The following DIRAS2 variants were observed in gnomAD, a reference collection of about 807,000 sequenced individuals.
DIRAS2 encodes the protein GTP-binding protein Di-Ras2.
In DIRAS2, 5 loss-of-function variants were observed where a neutral mutation model predicts 13.9. That is an observed-to-expected ratio of 0.36 (90% CI 0.19 to 0.76). DIRAS2 has a LOEUF of 0.76. Ranked by LOEUF, DIRAS2 falls within the 30% of genes least tolerant of loss-of-function variation. DIRAS2 has a pLI of 0.53. For missense variants in DIRAS2, 191 were observed against 263.0 expected, an observed-to-expected ratio of 0.73 and a Z score of 1.89; for synonymous variants, 111 against 105.4, an observed-to-expected ratio of 1.05 and a Z score of -0.33.
At chr9:90,615,618 A>C (rs967280221) in intron 1 of DIRAS2, among the ~76,000 whole-genome samples, 9 of 152,226 alleles carry the variant, frequency 5.9e-5, no homozygotes, top group Middle Eastern at 3.2e-3. Context: ...AAAGCAATCT[A>C]CTTCTTACAG....
intron 1 of DIRAS2, among the ~76,000 whole-genome samples, chr9:90,625,496 T>C (rs182468726): frequency 2.0e-5 from 3 of 152,356 alleles, no homozygotes; most frequent in Non-Finnish European, 1.5e-5. Context: ...AATTCTTATA[T>C]ATGGTGTGAG....
Position 90,613,558 on chromosome 9 carries a change from G to C in DIRAS2, c.270C>G (p.Ser90Arg), listed in dbSNP as rs766903718. Residue 90 changes from serine to arginine, a missense_variant, in exon 2 of 2, where the codon AGC (serine) becomes AGG (arginine). By Grantham distance (110) the Ser-to-Arg change is moderately radical (BLOSUM62 -1). Coordinates refer to ENST00000375765, the MANE Select transcript of DIRAS2 (RefSeq NM_017594.5). This position sits in a 1 kb window ranked among gnomAD's most constrained non-coding sequence, Gnocchi z 5.6. ...GCTTGAGCTCCTCCAAGGACTGTCG[G>C]CTGGTAATGGAGTACACCAGGATGA... ...HAFILVYSIT[S>R]RQSLEELKPI... 8.1e-6 allele frequency: 13 copies of C among 1,614,178 alleles called. No homozygotes were observed. The highest frequency in any genetic ancestry group is 1.7e-5 in the Admixed American group (1 of 60,020).
Position 90,611,844 on chromosome 9 carries a change from G to A in DIRAS2, c.*1384C>T, listed in dbSNP as rs1825117079. On this transcript the variant is annotated 3_prime_UTR_variant, in exon 2 of 2. Coordinates refer to ENST00000375765, the MANE Select transcript of DIRAS2 (RefSeq NM_017594.5). ...ACAGGAGATCTAACAGGCACTATCA[G>A]TGGGAGTTTTCAGGAAGCCAAGTCC... 2.0e-5 allele frequency: 3 copies of A among 152,378 alleles called. No homozygotes were observed. In the South Asian group the frequency reaches 6.2e-4, roughly 32 times the overall value. 9.4% of individuals were successfully genotyped at this position (152,378 alleles called of 1,614,324 possible). A position where few individuals can be genotyped will look rare whatever the true frequency, so the allele number is the denominator to read the frequency against.
Position 90,613,803 on chromosome 9 carries a change from G to A in DIRAS2, c.25C>T (p.Arg9Trp), listed in dbSNP as rs768090981. Residue 9 changes from arginine to tryptophan, a missense_variant, in exon 2 of 2, where the codon CGG becomes TGG. Coordinates refer to ENST00000375765, the MANE Select transcript of DIRAS2 (RefSeq NM_017594.5). The surrounding 1 kb of genome is among the most constrained non-coding windows in gnomAD (Gnocchi z 5.6). ...CCGCCAGCCCCAAACACGGCCACCC[G>A]GTAATCGTTACTCTGCTCAGGCATG... MPEQSNDY[R>W]VAVFGAGGVG... 1.3e-5 allele frequency: 21 copies of A among 1,613,266 alleles called. No individual in the cohort carries two copies. Among genetic ancestry groups the A allele is most frequent in the Non-Finnish European group, 1.5e-5 (18 of 1,179,654 alleles).
chr9:90,635,118 T>A (rs1455505292), intron 1 of DIRAS2, among the ~76,000 whole-genome samples: 1 of 152,202 alleles, frequency 6.6e-6, no homozygotes, highest in East Asian at 1.9e-4. Context: ...GAACTCAAGT[T>A]TAGGTAAGTC....
intron 1 of DIRAS2, among the ~76,000 whole-genome samples, chr9:90,620,650 G>T (rs1167361956): frequency 6.6e-6 from 1 of 151,758 alleles, no homozygotes; most frequent in Non-Finnish European, 1.5e-5. Flanking sequence ...CAGTTATTCG[G>T]GTGACTGAGG....
chr9:90,620,890 T>C (rs1296135685), intron 1 of DIRAS2, among the ~76,000 whole-genome samples: 1 of 152,218 alleles, frequency 6.6e-6, no homozygotes, highest in Non-Finnish European at 1.5e-5. Context: ...GTTAACATTG[T>C]TGTTATATGA....
intron 1 of DIRAS2, among the ~76,000 whole-genome samples, chr9:90,632,003 C>G (rs1390424237): frequency 6.6e-6 from 1 of 152,226 alleles, no homozygotes; most frequent in Non-Finnish European, 1.5e-5. Context: ...CAACATTTGT[C>G]AGTGATATCT....
intron 1 of DIRAS2, among the ~76,000 whole-genome samples, chr9:90,622,575 T>C (rs1825229863): frequency 6.6e-6 from 1 of 152,188 alleles, no homozygotes; most frequent in South Asian, 2.1e-4. Context: ...TCAGATGGTA[T>C]TAAAATTTCT....
intron 1 of DIRAS2, among the ~76,000 whole-genome samples, chr9:90,628,220 C>G (rs1393333886): frequency 6.6e-6 from 1 of 152,206 alleles, no homozygotes. Context: ...TAGACCTGTG[C>G]TGCCCACACA....
rs189583508 is a variant in DIRAS2, at chr9:90,618,379, G to A, written c.-36-4516C>T. ...TGAAACTGGTAAAAGAATAAGGGGAGCACCTCTCCCTCACACCATACACAA... is the reference window on the plus strand; with the variant it reads ...TGAAACTGGTAAAAGAATAAGGGGAACACCTCTCCCTCACACCATACACAA... On this transcript the variant is annotated intron_variant, in intron 1 of 1. Coordinates refer to ENST00000375765, the MANE Select transcript of DIRAS2 (RefSeq NM_017594.5). Among the ~76,000 whole-genome samples the A allele has an allele frequency of 3.8e-3, 583 of 152,274 alleles. 1 individual carries two copies. The highest frequency in any genetic ancestry group is 7.0e-3 in the Non-Finnish European group (473 of 68,010).
At position 90,613,468 on chromosome 9, in the gene DIRAS2, C is replaced by T. The variant is rs781363488; in HGVS notation, c.360G>A (p.Gly120=). 6.2e-7 allele frequency: 1 copy of T among 1,614,048 alleles called. No homozygotes were observed. Among genetic ancestry groups the T allele is most frequent in the Non-Finnish European group, 8.5e-7 (1 of 1,180,008 alleles). The change falls in exon 2 of 2, where the codon GGG becomes GGA. Residue 120 remains glycine, a synonymous_variant. Coordinates refer to ENST00000375765, the MANE Select transcript of DIRAS2 (RefSeq NM_017594.5). This position sits in a 1 kb window ranked among gnomAD's most constrained non-coding sequence, Gnocchi z 5.6. ...DVESIPIMLV[G]NKCDESPSRE... is the part of the protein sequence containing the mutation. Reference sequence around the variant, plus strand: ...GGCTGGGGCTCTCATCACACTTGTTCCCCACCAGCATGATGGGGATGCTCT... The same window carrying T: ...GGCTGGGGCTCTCATCACACTTGTTTCCCACCAGCATGATGGGGATGCTCT...
chr9:90,635,242 TA>T (rs779493512), intron 1 of DIRAS2, among the ~76,000 whole-genome samples: 1 of 152,200 alleles, frequency 6.6e-6, no homozygotes, highest in Non-Finnish European at 1.5e-5. Context: ...GCCATGCAGG[TA>T]TCTGGGGACA....
intron 1 of DIRAS2, among the ~76,000 whole-genome samples, chr9:90,624,874 G>C (rs1475778635): frequency 1.3e-5 from 2 of 152,124 alleles, no homozygotes; most frequent in East Asian, 3.9e-4. Context: ...GCCACCACCT[G>C]CCTCAGCCTC....
chr9:90,639,497 T>C (rs929678752), intron 1 of DIRAS2, among the ~76,000 whole-genome samples: 3 of 152,218 alleles, frequency 2.0e-5, no homozygotes, highest in African/African-American at 7.2e-5. Flanking sequence ...AAAGAAATTA[T>C]ATGAGAATTG....
intron 1 of DIRAS2, among the ~76,000 whole-genome samples, chr9:90,619,334 T>C (rs1439576471): frequency 6.6e-6 from 1 of 152,050 alleles, no homozygotes; most frequent in African/African-American, 2.4e-5. Context: ...TCCCAGTTAC[T>C]TGGGAGGCTG....
At chr9:90,627,013 C>A (rs1825275942) in intron 1 of DIRAS2, among the ~76,000 whole-genome samples, 1 of 151,968 alleles carries the variant, frequency 6.6e-6, no homozygotes, top group Admixed American at 6.6e-5. Flanking sequence ...GGGGGCAGAT[C>A]CCTTATGGCT....
chr9:90,615,283 A>C (rs1404752035), intron 1 of DIRAS2, among the ~76,000 whole-genome samples: 1 of 152,210 alleles, frequency 6.6e-6, no homozygotes, highest in East Asian at 1.9e-4. Flanking sequence ...ATTTTGCCTC[A>C]TGCGTCTGCC....
intron 1 of DIRAS2, among the ~76,000 whole-genome samples, chr9:90,622,273 C>T (rs1025959596): frequency 6.8e-6 from 1 of 146,136 alleles, no homozygotes; most frequent in Non-Finnish European, 1.5e-5. Context: ...TAAATACATA[C>T]ATTCATACAT....
Sources: gnomAD v4.1 joint callset for allele counts (sites outside exome capture counted in the v4.1 genomes callset) on GRCh38, gnomAD v4.1.1 for gene constraint, Gnocchi (gnomAD v3.1) non-coding constraint, MANE v1.5 for transcripts, NCBI Gene and HGNC (gene_info 2026-07-23, HGNC 2026-07-21) for gene names.